Variants in MEIS1 observed in about 807,000 individuals in gnomAD.
MEIS1 encodes the protein homeobox protein Meis1.
In MEIS1, 5 loss-of-function variants were observed where a neutral mutation model predicts 50.8. The observed-to-expected ratio is 0.10, with a 90% CI of 0.05 to 0.21. MEIS1 has a LOEUF of 0.21. MEIS1 is among the 10% of genes least tolerant of loss of function. The pLI, the probability that MEIS1 is intolerant of heterozygous loss-of-function variation, is 1.00. For synonymous variants in MEIS1, 176 were observed against 179.3 expected (o/e 0.98, Z 0.15); for missense variants, 318 against 517.3 (o/e 0.61, Z 3.74).
intron 1 of MEIS1, 118 bp from the exon 2 acceptor site, chr2:66,437,619 C>A: frequency 1.2e-6 from 1 of 843,132 alleles, no homozygotes; most frequent in South Asian, 1.5e-5. Flanking sequence ...TGCAAGGCCA[C>A]CGAATTCCGG....
intron 8 of MEIS1, among the ~76,000 whole-genome samples, chr2:66,539,830 C>T (rs1674608735): frequency 6.6e-6 from 1 of 152,308 alleles, no homozygotes; most frequent in African/African-American, 2.4e-5. Context: ...CAGCCCCCTC[C>T]CCTCCCCTTC....
At position 66,498,363 on chromosome 2, in the gene MEIS1, A is replaced by G. The variant is rs976284781; in HGVS notation, c.743-13786A>G. 3.3e-5 allele frequency among the ~76,000 whole-genome samples: 5 copies of G among 152,160 alleles called. No individual in the cohort carries two copies. In the South Asian group the frequency reaches 1.0e-3, roughly 31 times the overall value. ...AACGGGGCTTTGGAGAGGTTAAATAACTTGCCCAGGGTCACACAGCTATTA... is the reference window on the plus strand; with the variant it reads ...AACGGGGCTTTGGAGAGGTTAAATAGCTTGCCCAGGGTCACACAGCTATTA... On this transcript the variant is annotated intron_variant, in intron 7 of 12. Transcript: ENST00000272369.
chr2:66,540,616 A>G (rs1208306337), intron 8 of MEIS1, among the ~76,000 whole-genome samples: 4 of 152,096 alleles, frequency 2.6e-5, no homozygotes, highest in African/African-American at 9.7e-5. Flanking sequence ...CTTAATGGCC[A>G]TTTTTGTATT....
Position 66,543,894 on chromosome 2 carries a change from T to C in MEIS1, c.889-4049T>C, listed in dbSNP as rs1262600419. On this transcript the variant is annotated intron_variant, in intron 8 of 12. Coordinates refer to ENST00000272369, the MANE Select transcript of MEIS1 (RefSeq NM_002398.3). Reference sequence around the variant, plus strand: ...TCCCTCACTGTCTATGGGACTGTGGTCAAATTTGCTTTGATATCCCGAAGT... The same window carrying C: ...TCCCTCACTGTCTATGGGACTGTGGCCAAATTTGCTTTGATATCCCGAAGT... 2.0e-5 allele frequency among the ~76,000 whole-genome samples: 3 copies of C among 152,198 alleles called. No homozygotes were observed. The East Asian group carries it at 5.8e-4, about 29-fold the overall frequency.
rs1166823091 is a variant in MEIS1 at position 66,446,187 on chromosome 2, G to A, written c.630+3139G>A. On this transcript the variant is annotated intron_variant, in intron 6 of 12. Transcript: ENST00000272369. ...TGTTTGGCTTCAGAGAACGATGCGG[G>A]TTCGACCGGAAGCGGGGCGCGTGTT... Among the ~76,000 whole-genome samples the A allele has an allele frequency of 3.3e-5, 5 of 152,212 alleles. No individual in the cohort carries two copies. The East Asian group carries it at 5.8e-4, about 18-fold the overall frequency.
At chr2:66,462,100 A>G (rs1672533852) in intron 6 of MEIS1, among the ~76,000 whole-genome samples, 1 of 152,264 alleles carries the variant, frequency 6.6e-6, no homozygotes, top group African/African-American at 2.4e-5. Context: ...TGAATATATC[A>G]GGTCTGTTGT....
chr2:66,569,375 A>C, intron 12 of MEIS1: 2 of 294,308 alleles, frequency 6.8e-6, no homozygotes, highest in Non-Finnish European at 6.3e-6. Context: ...AGTACTGACC[A>C]CATGACAAAA....
chr2:66,522,730 C>T (rs976926103), intron 8 of MEIS1, among the ~76,000 whole-genome samples: 5 of 151,912 alleles, frequency 3.3e-5, no homozygotes, highest in Admixed American at 6.6e-5. Flanking sequence ...GCATATGTGG[C>T]GAGGGTTTGT....
chr2:66,462,896 A>T lies in MEIS1; in HGVS notation c.631-1213A>T, dbSNP rs190767264. Among the ~76,000 whole-genome samples the T allele has an allele frequency of 5.2e-3, 785 of 152,192 alleles. 4 individuals carry two copies. Among genetic ancestry groups the T allele is most frequent in the African/African-American group, 0.018 (746 of 41,524 alleles). On this transcript the variant is annotated intron_variant, in intron 6 of 12. Coordinates refer to ENST00000272369, the MANE Select transcript of MEIS1 (RefSeq NM_002398.3). Reference sequence around the variant, plus strand: ...AGGCTGCATTAATCTTCTGGCCAAGATTATAGAATAAGTGACAGTGATGCA... The same window carrying T: ...AGGCTGCATTAATCTTCTGGCCAAGTTTATAGAATAAGTGACAGTGATGCA...
At chr2:66,482,304 C>T (rs1483802415) in intron 7 of MEIS1, among the ~76,000 whole-genome samples, 3 of 152,154 alleles carry the variant, frequency 2.0e-5, no homozygotes, top group Admixed American at 1.3e-4. Context: ...TTGTGAGCCT[C>T]ACACCACCAC....
intron 8 of MEIS1, among the ~76,000 whole-genome samples, chr2:66,533,431 T>G (rs1674441770): frequency 6.6e-6 from 1 of 152,210 alleles, no homozygotes; most frequent in Non-Finnish European, 1.5e-5. Context: ...TGAAGGCCAC[T>G]GGAGGGTCAT....
At chr2:66,481,858 T>TG (rs1422071231) in intron 7 of MEIS1, among the ~76,000 whole-genome samples, 1 of 145,386 alleles carries the variant, frequency 6.9e-6, no homozygotes, top group Non-Finnish European at 1.5e-5. Flanking sequence ...TTCTTTTTTT[T>TG]TTTTTTTTTT....
chr2:66,449,335 G>T (rs933356488), intron 6 of MEIS1, among the ~76,000 whole-genome samples: 1 of 152,072 alleles, frequency 6.6e-6, no homozygotes. Context: ...TACAAAATTT[G>T]ATTTTTGGCA....
At chr2:66,486,631 T>C (rs982622256) in intron 7 of MEIS1, among the ~76,000 whole-genome samples, 9 of 152,246 alleles carry the variant, frequency 5.9e-5, no homozygotes, top group Admixed American at 5.2e-4. Context: ...TCTAATTCTG[T>C]GAAGAAAGTC....
chr2:66,494,461 T>C (rs945958079), intron 7 of MEIS1, among the ~76,000 whole-genome samples: 5 of 152,214 alleles, frequency 3.3e-5, no homozygotes, highest in Non-Finnish European at 7.3e-5. Flanking sequence ...GCTATTCATC[T>C]AACAAACTCC....
intron 7 of MEIS1, among the ~76,000 whole-genome samples, chr2:66,503,061 A>G (rs1177966300): frequency 2.0e-5 from 3 of 152,176 alleles, no homozygotes; most frequent in Non-Finnish European, 4.4e-5. Context: ...GAATGGACTC[A>G]TTGCTTTTCC....
intron 8 of MEIS1, among the ~76,000 whole-genome samples, chr2:66,523,334 A>G (rs1674173231): frequency 6.6e-6 from 1 of 152,158 alleles, no homozygotes; most frequent in Non-Finnish European, 1.5e-5. Context: ...TGCTTGAAAA[A>G]CTGCTTCTGC....
Position 66,440,605 on chromosome 2 carries a change from A to G in MEIS1, c.425A>G (p.Asp142Gly). ...KPLFSSNPELDNLMIQAIQVL... is the reference protein window; with the variant it reads ...KPLFSSNPELGNLMIQAIQVL... ...CTATTTTCTTCTAATCCAGAACTGG[A>G]TAACTTGGTAAGAGCGGACCCCTAT... The change falls in exon 4 of 13, where the codon GAT (aspartate) becomes GGT (glycine). Residue 142 changes from aspartate (D) to glycine (G), a missense_variant. Transcript: ENST00000272369. The G allele has an allele frequency of 1.2e-6, 2 of 1,611,692 alleles. No individual in the cohort carries two copies. Among genetic ancestry groups the G allele is most frequent in the Non-Finnish European group, 1.7e-6 (2 of 1,178,938 alleles).
At chr2:66,503,973 C>A (rs980282657) in intron 7 of MEIS1, among the ~76,000 whole-genome samples, 1 of 151,996 alleles carries the variant, frequency 6.6e-6, no homozygotes, top group Admixed American at 6.5e-5. Flanking sequence ...TCTCGATCTC[C>A]TGACCTCATG....
Sources: gnomAD v4.1 joint callset for allele counts (sites outside exome capture counted in the v4.1 genomes callset) on GRCh38, gnomAD v4.1.1 for gene constraint, MANE v1.5 for transcripts, NCBI Gene and HGNC (gene_info 2026-07-23, HGNC 2026-07-21) for gene names.